The following CSMD1 variants were observed in gnomAD, a reference collection of about 807,000 sequenced individuals.
CSMD1 encodes the protein CUB and sushi domain-containing protein 1.
A neutral mutation model predicts 417.5 loss-of-function variants in CSMD1; 213 were observed. That is an observed-to-expected ratio of 0.51 (90% CI 0.46 to 0.57). The LOEUF (loss-of-function observed/expected upper bound fraction) is 0.57. CSMD1 is among the 20% of genes least tolerant of loss of function. The pLI is 0.00. For missense variants in CSMD1, 6,923 were observed against 4,529.7 expected, an observed-to-expected ratio of 1.53 and a Z score of -15.17; for synonymous variants, 2,862 against 1,736.8, an observed-to-expected ratio of 1.65 and a Z score of -16.11.
At chr8:3,977,608 G>T (rs554628081) in intron 5 of CSMD1, among the ~76,000 whole-genome samples, 3 of 152,196 alleles carry the variant, frequency 2.0e-5, no homozygotes, top group Non-Finnish European at 4.4e-5. Context: ...TTTTCAAAGT[G>T]AGTGCTAAGA....
intron 1 of CSMD1, among the ~76,000 whole-genome samples, chr8:4,820,648 T>C (rs1023933328): frequency 6.6e-6 from 1 of 152,208 alleles, no homozygotes; most frequent in African/African-American, 2.4e-5. Context: ...TTCAGAATGA[T>C]TCAAGCCTGT....
At chr8:3,201,533 G>T in intron 32 of CSMD1, 79 bp downstream of exon 32, 2 of 665,728 alleles carry the variant, frequency 3.0e-6, no homozygotes, top group Non-Finnish European at 4.8e-6. Flanking sequence ...TCAAAACAAA[G>T]CAAAAGAAAC....
intron 4 of CSMD1, among the ~76,000 whole-genome samples, chr8:4,018,301 G>A (rs1796619488): frequency 1.3e-5 from 2 of 152,002 alleles, no homozygotes; most frequent in Non-Finnish European, 1.5e-5. Context: ...TACAGTCTGT[G>A]GCCATTTTTA....
chr8:3,272,863 C>T (rs1377014906), intron 26 of CSMD1, among the ~76,000 whole-genome samples: 3 of 150,548 alleles, frequency 2.0e-5, no homozygotes, highest in African/African-American at 7.4e-5. Context: ...GATATACAAT[C>T]ATGTCGTCTG....
chr8:4,516,589 T>G (rs1407257546), intron 2 of CSMD1, among the ~76,000 whole-genome samples: 2 of 152,140 alleles, frequency 1.3e-5, no homozygotes, highest in East Asian at 3.9e-4. Context: ...GAGCTTGTGT[T>G]GTATGGGGTC....
intron 3 of CSMD1, among the ~76,000 whole-genome samples, chr8:4,228,913 TGCCTCG>T (rs1258582418): frequency 6.6e-6 from 1 of 151,976 alleles, no homozygotes; most frequent in Non-Finnish European, 1.5e-5. Context: ...AACTCCTGAC[TGCCTCG>T]GTCTCCAAAA....
chr8:4,909,332 T>C (rs1367839980), intron 1 of CSMD1, among the ~76,000 whole-genome samples: 3 of 152,154 alleles, frequency 2.0e-5, no homozygotes, highest in African/African-American at 4.8e-5. Context: ...TCCTTTTACC[T>C]CCTTGCCTTC....
intron 1 of CSMD1, among the ~76,000 whole-genome samples, chr8:4,824,035 C>G (rs953276078): frequency 4.6e-5 from 7 of 151,574 alleles, no homozygotes; most frequent in African/African-American, 1.5e-4. Context: ...CACAAACATC[C>G]ATGCACCCAC....
intron 54 of CSMD1, among the ~76,000 whole-genome samples, chr8:2,984,482 G>C (rs1805694467): frequency 6.6e-6 from 1 of 152,066 alleles, no homozygotes; most frequent in Non-Finnish European, 1.5e-5. Flanking sequence ...CTGAATAGCT[G>C]TGATTACAGG....
At chr8:4,614,737 A>G (rs1464080744) in intron 2 of CSMD1, among the ~76,000 whole-genome samples, 1 of 152,176 alleles carries the variant, frequency 6.6e-6, no homozygotes. Context: ...ATTCAATTAC[A>G]GTGGAAAGAC....
In CSMD1 at chr8:2,957,751, C is replaced by G. The variant is rs745758896; in HGVS notation, c.9759G>C (p.Thr3253=). 6.3e-7 allele frequency: 1 copy of G among 1,599,860 alleles called. No homozygotes were observed. Among genetic ancestry groups the G allele is most frequent in the African/African-American group, 1.3e-5 (1 of 74,876 alleles). The change falls in exon 63 of 70, where the codon ACG becomes ACC. Residue 3253 remains threonine (T), a synonymous_variant. Transcript: ENST00000635120. The part of the protein sequence containing the change: ...CRKGYHIQGS[T]TRTCLANLTW... ...TTAAATTGGCAAGGCAGGTGCGAGT[C>G]GTGGAACCTTGAATATGGTAGCCTT...
chr8:3,416,042 C>T (rs533015633), intron 12 of CSMD1, among the ~76,000 whole-genome samples: 29 of 152,172 alleles, frequency 1.9e-4, no homozygotes, highest in African/African-American at 6.3e-4. Flanking sequence ...CGGCTCACAC[C>T]TGTAATCCTA....
chr8:4,083,493 A>G (rs1321324943), intron 3 of CSMD1, among the ~76,000 whole-genome samples: 1 of 152,200 alleles, frequency 6.6e-6, no homozygotes, highest in Non-Finnish European at 1.5e-5. Flanking sequence ...CAAAACAGAG[A>G]TATAGATCAA....
chr8:2,953,687 G>T (rs1476918046), intron 65 of CSMD1, among the ~76,000 whole-genome samples: 1 of 152,144 alleles, frequency 6.6e-6, no homozygotes, highest in Non-Finnish European at 1.5e-5. Flanking sequence ...CTGCATCTTT[G>T]CGATTTGCTA....
intron 3 of CSMD1, among the ~76,000 whole-genome samples, chr8:4,100,295 G>T (rs146314957): frequency 6.6e-6 from 1 of 152,060 alleles, no homozygotes; most frequent in East Asian, 1.9e-4. Context: ...TATCTTATTA[G>T]TATCTTTTAC....
intron 5 of CSMD1, among the ~76,000 whole-genome samples, chr8:3,992,095 T>C: frequency 7.3e-6 from 1 of 136,828 alleles, no homozygotes; most frequent in Admixed American, 7.8e-5. Flanking sequence ...GTATGCAGAG[T>C]ATCAAGAAAA....
chr8:3,427,204 C>G lies in CSMD1; in HGVS notation c.1562-17599G>C, dbSNP rs147853645. On this transcript the variant is annotated intron_variant, in intron 12 of 69. Coordinates refer to ENST00000635120, the MANE Select transcript of CSMD1 (RefSeq NM_033225.6). ...GTGCAGACTCAGCCAAACTATATCA[C>G]TGAATAAGCATAACAAGAACTGGTC... 4.2e-3 allele frequency among the ~76,000 whole-genome samples: 642 copies of G among 152,238 alleles called. 2 individuals carry two copies. Among genetic ancestry groups the G allele is most frequent in the Middle Eastern group, 0.034 (10 of 294 alleles).
intron 3 of CSMD1, among the ~76,000 whole-genome samples, chr8:4,324,025 T>C (rs1799417085): frequency 6.6e-6 from 1 of 152,200 alleles, no homozygotes; most frequent in Admixed American, 6.5e-5. Flanking sequence ...GCCACACCCT[T>C]AGCAGGCCAG....
At chr8:3,032,437 C>T (rs73657537) in intron 50 of CSMD1, among the ~76,000 whole-genome samples, 96 of 152,060 alleles carry the variant, frequency 6.3e-4, no homozygotes, top group African/African-American at 2.0e-3. Context: ...ACAGCCCCCA[C>T]GGAATGGTGG....
Sources: allele counts gnomAD v4.1 joint callset (sites outside exome capture counted in the v4.1 genomes callset), GRCh38; gene constraint gnomAD v4.1.1; transcripts MANE v1.5; gene names NCBI Gene and HGNC (gene_info 2026-07-23, HGNC 2026-07-21).